Variants in ARMH1 observed in about 807,000 individuals in gnomAD.
ARMH1 encodes armadillo-like helical domain containing protein 1.
Under a neutral mutation model 50.2 loss-of-function variants are expected in ARMH1, and 34 were observed. The observed-to-expected ratio is 0.68, with a 90% confidence interval of 0.51 to 0.90. The LOEUF (loss-of-function observed/expected upper bound fraction) is 0.90. Among genes scored for constraint, ARMH1 ranks in the 40% least tolerant of loss-of-function variants. The pLI is 0.00. For synonymous variants in ARMH1, 221 were observed against 224.2 expected (o/e 0.99, Z 0.13); for missense variants, 538 against 553.9 (o/e 0.97, Z 0.29).
Position 44,689,683 on chromosome 1 carries a change from C to T in ARMH1, c.-15C>T, listed in dbSNP as rs1280658663. The T allele has an allele frequency of 6.4e-7, 1 of 1,551,636 alleles. No homozygotes were observed. The highest frequency in any genetic ancestry group is 8.7e-7 in the Non-Finnish European group (1 of 1,146,758). ...TTTTCCCTCCCTCTGTAGCCAACTT[C>T]AGGACTGATTGATCATGACTTCTAT... On this transcript the variant is annotated 5_prime_UTR_variant, in exon 2 of 12. Transcript: ENST00000535358.
At chr1:44,703,353 C>CCT (rs1646180115) in intron 5 of ARMH1, among the ~76,000 whole-genome samples, 1 of 152,090 alleles carries the variant, frequency 6.6e-6, no homozygotes, top group South Asian at 2.1e-4. Flanking sequence ...GCCCTCCCTC[C>CCT]CTCTCCCCAT....
At chr1:44,709,528 C>T (rs981761196) in intron 6 of ARMH1, among the ~76,000 whole-genome samples, 17 of 152,082 alleles carry the variant, frequency 1.1e-4, no homozygotes, top group African/African-American at 3.6e-4. Flanking sequence ...AAAAATTAGC[C>T]GGGCGTAGTG....
At chr1:44,695,877 C>A (rs1055339061) in intron 2 of ARMH1, among the ~76,000 whole-genome samples, 30 of 149,816 alleles carry the variant, frequency 2.0e-4, no homozygotes, top group African/African-American at 7.4e-4. Flanking sequence ...CCCAGGAGTT[C>A]AAGCCTACAG....
At chr1:44,680,485 T>A (rs150213857) in intron 1 of ARMH1, among the ~76,000 whole-genome samples, 159 of 152,366 alleles carry the variant, frequency 1.0e-3, no homozygotes, top group Middle Eastern at 6.8e-3. Context: ...GGGCCAAGTT[T>A]TGAAGGGCCT....
chr1:44,701,361 T>C (rs190303828), intron 5 of ARMH1, among the ~76,000 whole-genome samples: 1 of 152,276 alleles, frequency 6.6e-6, no homozygotes, highest in Admixed American at 6.5e-5. Flanking sequence ...TAAAAGTGGT[T>C]GAGACAAGCA....
chr1:44,689,878 C>T lies in ARMH1; in HGVS notation c.181C>T (p.Arg61Cys), dbSNP rs1370040813. 2.3e-5 allele frequency: 35 copies of T among 1,550,636 alleles called. No individual in the cohort carries two copies. Among genetic ancestry groups the T allele is most frequent in the Middle Eastern group, 3.7e-4 (2 of 5,460 alleles). Reference sequence around the variant, plus strand: ...CCAGGGAGCCAGTTTGTTCCTGGTACGCTTGACCACCTCGCTTAGAATCAC... The same window carrying T: ...CCAGGGAGCCAGTTTGTTCCTGGTATGCTTGACCACCTCGCTTAGAATCAC... ...FSQGASLFLVRLTTSLRITYM... is the reference protein window; with the variant it reads ...FSQGASLFLVCLTTSLRITYM... The change falls in exon 2 of 12, where the codon CGC becomes TGC. Residue 61 changes from arginine to cysteine, a missense_variant. Coordinates refer to ENST00000535358, the MANE Select transcript of ARMH1 (RefSeq NM_001145636.2).
chr1:44,681,304 C>T lies in ARMH1; in HGVS notation c.-23+6431C>T, dbSNP rs1049819144. 2.0e-5 allele frequency among the ~76,000 whole-genome samples: 3 copies of T among 152,016 alleles called. No homozygotes were observed. The highest frequency in any genetic ancestry group is 4.4e-5 in the Non-Finnish European group (3 of 68,006). ...GCCACTGCGCCCGGCCGTGAGGCTC[C>T]ATTTCTAAAAAATTTTTTTAAGTTA... On this transcript the variant is annotated intron_variant, in intron 1 of 11. Transcript: ENST00000535358. The surrounding 1 kb of genome is among the most constrained non-coding windows in gnomAD (Gnocchi z 4.3).
intron 6 of ARMH1, among the ~76,000 whole-genome samples, chr1:44,718,175 CCT>C (rs1226488677): frequency 7.9e-5 from 12 of 152,288 alleles, no homozygotes; most frequent in African/African-American, 2.9e-4. Flanking sequence ...TCGTTTCTAC[CCT>C]GAGTGTCCAC....
rs925309579 is a variant in ARMH1, at chr1:44,681,468, C to T, written c.-23+6595C>T. ...CCAGCCTGAGTGACAAGAGTGAGCC[C>T]CTATCTCGAATAAATACACTGATAA... On this transcript the variant is annotated intron_variant, in intron 1 of 11. Coordinates refer to ENST00000535358, the MANE Select transcript of ARMH1 (RefSeq NM_001145636.2). This position sits in a 1 kb window ranked among gnomAD's most constrained non-coding sequence, Gnocchi z 4.3. 2.6e-4 allele frequency among the ~76,000 whole-genome samples: 40 copies of T among 151,802 alleles called. 1 individual carries two copies. Among genetic ancestry groups the T allele is most frequent in the Non-Finnish European group, 1.3e-4 (9 of 67,970 alleles).
At chr1:44,689,989 G>A (rs1055098979) in intron 2 of ARMH1, 86 bp downstream of exon 2, 3 of 1,195,744 alleles carry the variant, frequency 2.5e-6, no homozygotes, top group Non-Finnish European at 2.4e-6. Flanking sequence ...GGAGGCCAAG[G>A]TGGGCAGATC....
chr1:44,718,790 C>T lies in ARMH1; in HGVS notation c.725-5332C>T, dbSNP rs140477236. On this transcript the variant is annotated intron_variant, in intron 6 of 11. Transcript: ENST00000535358. The stretch of plus-strand genomic sequence containing the variant: ...TTGTAATCCCAGCACTTTGGGAGGC[C>T]GAGGCAGGCGGATCACCTGAAGTCG... Among the ~76,000 whole-genome samples the T allele has an allele frequency of 5.2e-3, 793 of 152,166 alleles. 7 individuals carry two copies. Among genetic ancestry groups the T allele is most frequent in the African/African-American group, 0.018 (736 of 41,510 alleles).
intron 5 of ARMH1, among the ~76,000 whole-genome samples, chr1:44,703,854 G>A (rs965872884): frequency 6.6e-6 from 1 of 151,156 alleles, no homozygotes; most frequent in African/African-American, 2.4e-5. Context: ...AGCCTCAGGA[G>A]TAGCTGGGAC....
Position 44,725,131 on chromosome 1 carries a change from C to T in ARMH1, c.1129-5C>T, listed in dbSNP as rs1357718854. On this transcript the variant is annotated splice_polypyrimidine_tract_variant and splice_region_variant and intron_variant, in intron 10 of 11. Transcript: ENST00000535358. ...CAGCCGGGTCCCCCTTGCTCCTGTC[C>T]TCAGAGCAACGCTGAGGACTTGTAC... 2 of 1,551,904 alleles carry T rather than the reference C, an allele frequency of 1.3e-6. No individual in the cohort carries two copies. Among genetic ancestry groups the T allele is most frequent in the Admixed American group, 2.0e-5 (1 of 51,010 alleles).
At chr1:44,709,479 T>C (rs556626913) in intron 6 of ARMH1, among the ~76,000 whole-genome samples, 69 of 152,262 alleles carry the variant, frequency 4.5e-4, no homozygotes, top group South Asian at 1.0e-3. Flanking sequence ...GAGACCATCC[T>C]GGCTAACACG....
rs750579360 is a variant in ARMH1, at chr1:44,725,213, CA to C, written c.1209del (p.Ala404ProfsTer11). On this transcript the variant is annotated frameshift_variant, in exon 11 of 12. Transcript: ENST00000535358. LOFTEE classifies it low-confidence loss of function (END_TRUNC). ...TGGCGGCCAACACAGTCAATGTTACCAAAGGTGAGTGTGGGACGAGGGAAGC... is the reference window on the plus strand; with the variant it reads ...TGGCGGCCAACACAGTCAATGTTACCAAGGTGAGTGTGGGACGAGGGAAGC... ...ILAANTVNVTKALCLHGSSYS... is the reference protein window; with the variant it reads ...ILAANTVNVTXALCLHGSSYS... 1.3e-4 allele frequency: 197 copies of C among 1,551,814 alleles called. No homozygotes were observed. The highest frequency in any genetic ancestry group is 1.7e-4 in the Non-Finnish European group (190 of 1,147,050).
chr1:44,699,961 C>G (rs1012690577), intron 4 of ARMH1, among the ~76,000 whole-genome samples: 2 of 152,012 alleles, frequency 1.3e-5, no homozygotes, highest in African/African-American at 2.4e-5. Context: ...TCCCCAGTAA[C>G]TGGGACTACA....
intron 1 of ARMH1, among the ~76,000 whole-genome samples, chr1:44,675,819 G>A (rs1011763258): frequency 6.6e-6 from 1 of 152,140 alleles, no homozygotes; most frequent in African/African-American, 2.4e-5. Flanking sequence ...AATTAGCCGG[G>A]CATGGTGGTG....
chr1:44,691,964 A>G (rs757858538), intron 2 of ARMH1, among the ~76,000 whole-genome samples: 1 of 152,218 alleles, frequency 6.6e-6, no homozygotes, highest in Non-Finnish European at 1.5e-5. Flanking sequence ...GGTCACCGTC[A>G]AGGTGATAGT....
chr1:44,716,805 T>C (rs991052099), intron 6 of ARMH1, among the ~76,000 whole-genome samples: 2 of 152,092 alleles, frequency 1.3e-5, no homozygotes, highest in Non-Finnish European at 2.9e-5. Flanking sequence ...GGCAGTAGAC[T>C]TAGTGGTGAA....
Sources: allele counts gnomAD v4.1 joint callset (sites outside exome capture counted in the v4.1 genomes callset), GRCh38; gene constraint gnomAD v4.1.1; non-coding constraint Gnocchi (gnomAD v3.1); transcripts MANE v1.5; gene names NCBI Gene and HGNC (gene_info 2026-07-23, HGNC 2026-07-21).